The following ATPAF1 variants were observed in gnomAD, a reference collection of about 807,000 sequenced individuals.
The protein encoded by ATPAF1 is homolog of yeast ATP11.
Under a neutral mutation model 43.9 loss-of-function variants are expected in ATPAF1, and 26 were observed. The ratio of observed to expected loss-of-function variants is 0.59; its 90% confidence interval spans 0.43 to 0.82. The LOEUF (loss-of-function observed/expected upper bound fraction) is 0.82, where lower values mean the gene tolerates loss of function less well. ATPAF1 is among the 40% of genes least tolerant of loss of function. The probability of loss-of-function intolerance (pLI) is 0.00; values close to 1 mark genes in which losing one functional copy is unlikely to be tolerated. For synonymous variants in ATPAF1, 157 were observed against 168.0 expected, an observed-to-expected ratio of 0.93 and a Z score of 0.50; for missense variants, 366 against 435.0, an observed-to-expected ratio of 0.84 and a Z score of 1.41.
At chr1:46,663,538 G>C (rs1034374800) in intron 2 of ATPAF1, among the ~76,000 whole-genome samples, 1 of 152,148 alleles carries the variant, frequency 6.6e-6, no homozygotes, top group Non-Finnish European at 1.5e-5. Context: ...GGCCAGTGAT[G>C]ATGAGCATTT....
exon 9 of ATPAF1, chr1:46,635,525 T>C (rs1328983407): frequency 2.1e-6 from 1 of 474,354 alleles, no homozygotes; most frequent in South Asian, 3.8e-5. Flanking sequence ...TGGCTGTCTC[T>C]TGTTATAACC....
chr1:46,663,433 C>T (rs1418449977), intron 2 of ATPAF1, among the ~76,000 whole-genome samples: 3 of 152,234 alleles, frequency 2.0e-5, no homozygotes, highest in Non-Finnish European at 4.4e-5. Context: ...TCCACATCCT[C>T]TCCAGCACCT....
chr1:46,641,296 C>G (rs1231828073), intron 8 of ATPAF1, among the ~76,000 whole-genome samples: 1 of 152,082 alleles, frequency 6.6e-6, no homozygotes, highest in Non-Finnish European at 1.5e-5. Flanking sequence ...CCAGGCTGGT[C>G]TCAAACTCCT....
chr1:46,658,608 T>C, intron 3 of ATPAF1, 79 bp downstream of exon 3: 2 of 1,079,638 alleles, frequency 1.9e-6, no homozygotes, highest in Non-Finnish European at 2.7e-6. Flanking sequence ...ACAGTACTTA[T>C]GTTCAAATTT....
At chr1:46,641,428 T>C (rs1675948516) in intron 8 of ATPAF1, among the ~76,000 whole-genome samples, 1 of 152,188 alleles carries the variant, frequency 6.6e-6, no homozygotes, top group Admixed American at 6.5e-5. Flanking sequence ...TTCTCATATT[T>C]GAAACAAAAG....
At chr1:46,657,142 C>A (rs373087369) in intron 4 of ATPAF1, among the ~76,000 whole-genome samples, 102 of 152,192 alleles carry the variant, frequency 6.7e-4, no homozygotes, top group Middle Eastern at 3.4e-3. Context: ...ATAATGGCAC[C>A]CACTTCACGG....
At chr1:46,661,339 G>C (rs1233900229) in intron 2 of ATPAF1, among the ~76,000 whole-genome samples, 3 of 152,114 alleles carry the variant, frequency 2.0e-5, no homozygotes, top group African/African-American at 7.2e-5. Flanking sequence ...GCCTCCCAAA[G>C]TACTAGGATT....
exon 9 of ATPAF1, chr1:46,635,717 G>C: frequency 6.7e-7 from 1 of 1,491,762 alleles, no homozygotes. Context: ...CTGAGGAGGG[G>C]GTGGGCTCTA....
chr1:46,652,628 C>G, exon 6 of ATPAF1: 1 of 1,612,556 alleles, frequency 6.2e-7, no homozygotes, highest in Non-Finnish European at 8.5e-7. Context: ...AACTTTTCTG[C>G]CTGTAGGTTG....
intron 2 of ATPAF1, 126 bp from the exon 3 acceptor site, chr1:46,658,863 T>C (rs1242037081): frequency 3.6e-6 from 2 of 550,280 alleles, no homozygotes; most frequent in East Asian, 6.6e-5. Context: ...CTCCACTTTT[T>C]ATAATAATTG....
downstream of ATPAF1, chr1:46,634,156 T>C (rs1675795976): frequency 3.5e-6 from 1 of 288,982 alleles, no homozygotes; most frequent in Non-Finnish European, 6.7e-6. Context: ...GTCCACCCTA[T>C]TTAAAGAGCT....
chr1:46,658,001 A>G (rs571789359), intron 4 of ATPAF1, 126 bp downstream of exon 4: 9 of 890,232 alleles, frequency 1.0e-5, no homozygotes, highest in African/African-American at 8.5e-5. Context: ...CAAGTAATTC[A>G]TCACTTTTGC....
intron 4 of ATPAF1, among the ~76,000 whole-genome samples, chr1:46,655,137 G>C (rs1676246163): frequency 6.6e-6 from 1 of 152,190 alleles, no homozygotes; most frequent in Non-Finnish European, 1.5e-5. Flanking sequence ...CATGGGAACA[G>C]CATGGAGGTA....
chr1:46,653,040 A>G lies in ATPAF1; in HGVS notation c.541-412T>C, dbSNP rs1676200902. On this transcript the variant is annotated intron_variant, in intron 5 of 8. Transcript: ENST00000574428. The surrounding 1 kb of genome is among the most constrained non-coding windows in gnomAD (Gnocchi z 4.8). ...TATATATATATGAGAGATTAAAAAA[A>G]AAGATAGCGATACCATCATAACCAC... Among the ~76,000 whole-genome samples the G allele has an allele frequency of 6.6e-6, 1 of 152,166 alleles. No individual in the cohort carries two copies. The highest frequency in any genetic ancestry group is 1.5e-5 in the Non-Finnish European group (1 of 68,042).
chr1:46,658,276 T>C (rs1676314724), intron 3 of ATPAF1, 87 bp from the exon 4 acceptor site: 3 of 1,046,942 alleles, frequency 2.9e-6, no homozygotes, highest in Middle Eastern at 3.1e-4. Context: ...GTGGCAAACA[T>C]GTCAGGACAA....
chr1:46,638,375 T>C (rs998757925), intron 8 of ATPAF1, among the ~76,000 whole-genome samples: 3 of 152,128 alleles, frequency 2.0e-5, no homozygotes, highest in Admixed American at 6.5e-5. Context: ...TCCCAGCACT[T>C]TGGGAGGCCG....
intron 1 of ATPAF1, among the ~76,000 whole-genome samples, chr1:46,667,211 T>C (rs1218429994): frequency 6.6e-6 from 1 of 152,132 alleles, no homozygotes; most frequent in African/African-American, 2.4e-5. Flanking sequence ...CAGGTGACGA[T>C]GATGGAGTAG....
At chr1:46,662,431 T>C (rs547511458) in intron 2 of ATPAF1, among the ~76,000 whole-genome samples, 2 of 151,878 alleles carry the variant, frequency 1.3e-5, no homozygotes, top group South Asian at 4.1e-4. Context: ...CCCAACCTTA[T>C]TATAATTAAC....
chr1:46,654,016 T>A, intron 4 of ATPAF1, 149 bp from the exon 5 acceptor site: 1 of 600,134 alleles, frequency 1.7e-6, no homozygotes, highest in Admixed American at 3.3e-5. Flanking sequence ...TACTAGCACA[T>A]CACAAAAAAG....
Sources: allele counts gnomAD v4.1 joint callset (sites outside exome capture counted in the v4.1 genomes callset), GRCh38; gene constraint gnomAD v4.1.1; non-coding constraint Gnocchi (gnomAD v3.1); transcripts MANE v1.5; gene names NCBI Gene and HGNC (gene_info 2026-07-23, HGNC 2026-07-21).